KLRG1: variants seen among roughly 807,000 people sequenced by gnomAD.
KLRG1 encodes killer cell lectin-like receptor subfamily G member 1.
In KLRG1, 16 loss-of-function variants were observed where a neutral mutation model predicts 21.8. That is an observed-to-expected ratio of 0.73 (90% CI 0.50 to 1.11). The LOEUF (loss-of-function observed/expected upper bound fraction) is 1.11, where lower values mean the gene tolerates loss of function less well. Ranked by LOEUF, KLRG1 falls within the 50% of genes most tolerant of loss-of-function variation. The pLI is 0.00. For synonymous variants in KLRG1, 69 were observed against 75.9 expected (o/e 0.91, Z 0.47); for missense variants, 173 against 218.3 (o/e 0.79, Z 1.31).
chr12:9,159,896 C>A, the KLRG1 span: 3 of 1,520,550 alleles, frequency 2.0e-6, no homozygotes, highest in East Asian at 6.8e-5. Flanking sequence ...TGTGCACGTT[C>A]TGAACTCATA....
At chr12:9,185,945 C>T in the KLRG1 span, among the ~76,000 whole-genome samples, 12 of 151,582 alleles carry the variant, frequency 7.9e-5, no homozygotes, top group Non-Finnish European at 1.8e-4. Flanking sequence ...GTAGCTGGGA[C>T]TACAGGCGTG....
the KLRG1 span, chr12:9,101,116 G>A: frequency 3.0e-3 from 4,612 of 1,550,852 alleles, 84 homozygotes; most frequent in African/African-American, 0.045. Context: ...GAATGGGGCA[G>A]CAATGCAGAG....
At chr12:9,143,399 C>T in the KLRG1 span, among the ~76,000 whole-genome samples, 2,741 of 151,958 alleles carry the variant, frequency 0.018, 69 homozygotes, top group African/African-American at 0.057. Context: ...GCTGAGGGTT[C>T]GGACAGGCAA....
chr12:9,010,013 T>C lies in KLRG1; in HGVS notation c.*476T>C, dbSNP rs1374679393. On this transcript the variant is annotated 3_prime_UTR_variant, in exon 5 of 5. Transcript: ENST00000356986. ...TATCCTAACAGTGTCCCTTTGCAGA[T>C]CAAGCTTTATTCTGAAGAATAAACC... 11 of 1,534,330 alleles carry C rather than the reference T, an allele frequency of 7.2e-6. No homozygotes were observed. The highest frequency in any genetic ancestry group is 8.7e-6 in the Non-Finnish European group (10 of 1,145,958).
intron 1 of KLRG1, among the ~76,000 whole-genome samples, chr12:8,962,196 T>C (rs1946393045): frequency 6.6e-6 from 1 of 152,154 alleles, no homozygotes; most frequent in Non-Finnish European, 1.5e-5. Context: ...GCAAGGATGA[T>C]AAATCAGGTT....
intron 1 of KLRG1, among the ~76,000 whole-genome samples, chr12:8,977,418 G>T (rs1317573197): frequency 7.4e-6 from 1 of 134,872 alleles, no homozygotes; most frequent in African/African-American, 2.7e-5. Context: ...GTTTCACCAT[G>T]TTAGCCAGGA....
the KLRG1 span, chr12:9,196,804 C>T: frequency 1.2e-6 from 1 of 865,622 alleles, no homozygotes; most frequent in South Asian, 1.5e-5. Context: ...AGTTAATTGA[C>T]CTTCGAGAAC....
chr12:9,079,406 CT>C, the KLRG1 span: 52 of 1,399,168 alleles, frequency 3.7e-5, no homozygotes, highest in South Asian at 5.9e-4. Flanking sequence ...CTAAAAGTAC[CT>C]TGGCTTCTCT....
chr12:9,178,485 G>C, the KLRG1 span, among the ~76,000 whole-genome samples: 1 of 152,134 alleles, frequency 6.6e-6, no homozygotes, highest in Non-Finnish European at 1.5e-5. Flanking sequence ...GCCGTAAAGT[G>C]CTTCCTTTAG....
intron 1 of KLRG1, among the ~76,000 whole-genome samples, chr12:8,953,934 G>A (rs1946246130): frequency 6.6e-6 from 1 of 152,162 alleles, no homozygotes; most frequent in Admixed American, 6.5e-5. Flanking sequence ...TGAGGGGAGG[G>A]TGTGTTTCCT....
chr12:8,992,091 G>C (rs753311930), intron 1 of KLRG1, 115 bp from the exon 2 acceptor site: 37 of 753,794 alleles, frequency 4.9e-5, no homozygotes, highest in Non-Finnish European at 7.7e-5. Flanking sequence ...TTATGGCCTG[G>C]ATCTCAGTTC....
Position 8,989,705 on chromosome 12 carries a change from C to G in KLRG1, c.70C>G (p.Pro24Ala). The change falls in exon 1 of 5, where the codon CCA (proline) becomes GCA (alanine). Residue 24 changes from proline to alanine, a missense_variant. By Grantham distance (27) the Pro-to-Ala change is conservative. This residue lies in a region of KLRG1 where 144 missense variants were observed against 161.5 expected (regional missense o/e 0.89). Transcript: ENST00000356986. Reference protein sequence around the residue: ...TATQAQNDYGPQQKSSSSRPS... With the variant: ...TATQAQNDYGAQQKSSSSRPS... ...AACCCAAGCCCAGAATGACTATGGA[C>G]CACAGCAAAAATGTGAGTTAACCAA... The G allele has an allele frequency of 1.2e-6, 2 of 1,601,308 alleles. No individual in the cohort carries two copies. Among genetic ancestry groups the G allele is most frequent in the Middle Eastern group, 3.3e-4 (2 of 6,032 alleles).
chr12:9,195,709 C>G, the KLRG1 span, among the ~76,000 whole-genome samples: 2 of 150,612 alleles, frequency 1.3e-5, no homozygotes, highest in African/African-American at 4.9e-5. Flanking sequence ...CCCCCTTGGC[C>G]TCCCAAAGTT....
At chr12:9,139,898 T>C in the KLRG1 span, among the ~76,000 whole-genome samples, 5 of 152,088 alleles carry the variant, frequency 3.3e-5, no homozygotes, top group Non-Finnish European at 7.4e-5. Context: ...TATTTAAGGG[T>C]TTTAGGGTAA....
the KLRG1 span, among the ~76,000 whole-genome samples, chr12:9,175,357 C>A: frequency 6.6e-6 from 1 of 152,096 alleles, no homozygotes. Flanking sequence ...ACTATAAAGA[C>A]CCTTGAAGAA....
At chr12:8,983,971 A>G (rs1188268953) in intron 1 of KLRG1, among the ~76,000 whole-genome samples, 1 of 152,034 alleles carries the variant, frequency 6.6e-6, no homozygotes, top group East Asian at 1.9e-4. Context: ...TTTGATCATT[A>G]CTTTTTCAAA....
the KLRG1 span, among the ~76,000 whole-genome samples, chr12:9,071,463 A>G: frequency 1.3e-5 from 2 of 152,108 alleles, no homozygotes; most frequent in African/African-American, 4.8e-5. Flanking sequence ...TTTTAGGTTC[A>G]GGCGTACACA....
the KLRG1 span, among the ~76,000 whole-genome samples, chr12:9,175,696 A>G: frequency 1.3e-5 from 2 of 152,244 alleles, no homozygotes; most frequent in Non-Finnish European, 2.9e-5. Context: ...GCCAACAAAC[A>G]TATGAAGAAA....
At chr12:9,077,423 G>T in the KLRG1 span, 1 of 1,611,172 alleles carries the variant, frequency 6.2e-7, no homozygotes, top group South Asian at 1.1e-5. Context: ...ACTCCTCCCT[G>T]TGAATACGAG....
Sources: allele counts gnomAD v4.1 joint callset (sites outside exome capture counted in the v4.1 genomes callset), GRCh38; gene constraint gnomAD v4.1.1; regional missense constraint gnomAD v4.1.1; transcripts MANE v1.5; gene names NCBI Gene and HGNC (gene_info 2026-07-23, HGNC 2026-07-21).